MYO16: variants seen among roughly 807,000 people sequenced by gnomAD.
The protein encoded by MYO16 is unconventional myosin-XVI.
MYO16 carries 94 observed loss-of-function variants against 205.3 expected under a neutral mutation model. That is an observed-to-expected ratio of 0.46 (90% CI 0.39 to 0.54). The LOEUF is 0.54. Ranked by LOEUF, MYO16 falls within the 20% of genes least tolerant of loss-of-function variation. The pLI is 0.00. For missense variants in MYO16, 2,315 were observed against 2,387.5 expected (o/e 0.97, Z 0.63); for synonymous variants, 988 against 954.0 (o/e 1.04, Z -0.66).
At chr13:109,090,410 A>G (rs937862774) in intron 27 of MYO16, among the ~76,000 whole-genome samples, 8 of 152,294 alleles carry the variant, frequency 5.3e-5, no homozygotes, top group Middle Eastern at 3.4e-3. Context: ...GGTGAGCTCT[A>G]TGGCTGTGCG....
intron 27 of MYO16, among the ~76,000 whole-genome samples, chr13:109,073,936 A>G (rs1298483563): frequency 6.6e-6 from 1 of 151,942 alleles, no homozygotes; most frequent in Non-Finnish European, 1.5e-5. Flanking sequence ...ACCTGAGTCC[A>G]TTTTCTTTGC....
rs115582456 is a variant in MYO16, at chr13:108,907,262, C to T, written c.1778-2741C>T. Among the ~76,000 whole-genome samples the T allele has an allele frequency of 2.0e-3, 302 of 152,200 alleles. 2 individuals are homozygous for T. The highest frequency in any genetic ancestry group is 6.9e-3 in the African/African-American group (286 of 41,510). On this transcript the variant is annotated intron_variant, in intron 15 of 34. Coordinates refer to ENST00000457511, the MANE Select transcript of MYO16 (RefSeq NM_001198950.3). ...AAATACTTTATTGCATTTTATGTTA[C>T]ATGTAATCTGCAAACATATATATTT...
At chr13:108,570,178 T>C in the MYO16 span, among the ~76,000 whole-genome samples, 1 of 152,170 alleles carries the variant, frequency 6.6e-6, no homozygotes, top group Non-Finnish European at 1.5e-5. Flanking sequence ...TTGGAAGTGT[T>C]TGTGAAGGGC....
At chr13:108,901,399 G>A (rs527395486) in intron 15 of MYO16, among the ~76,000 whole-genome samples, 3 of 151,914 alleles carry the variant, frequency 2.0e-5, no homozygotes, top group Non-Finnish European at 4.4e-5. Flanking sequence ...TCTCTCTTTT[G>A]TACTCTGTCC....
the MYO16 span, among the ~76,000 whole-genome samples, chr13:108,502,865 A>G: frequency 6.6e-6 from 1 of 152,222 alleles, no homozygotes; most frequent in Non-Finnish European, 1.5e-5. Context: ...ACAGAGAATC[A>G]TTAACTTTAC....
the MYO16 span, among the ~76,000 whole-genome samples, chr13:108,496,036 C>T: frequency 1.3e-5 from 2 of 152,130 alleles, no homozygotes. Flanking sequence ...CACCGCCGGG[C>T]TGGGGACGCC....
intron 2 of MYO16, among the ~76,000 whole-genome samples, chr13:108,674,357 T>A (rs1189474395): frequency 3.3e-5 from 5 of 152,160 alleles, no homozygotes; most frequent in Non-Finnish European, 5.9e-5. Context: ...TAAAAAAAAA[T>A]TATCTCCTAG....
chr13:109,203,677 C>T (rs1463392156), intron 34 of MYO16, among the ~76,000 whole-genome samples: 1 of 152,186 alleles, frequency 6.6e-6, no homozygotes, highest in Non-Finnish European at 1.5e-5. Context: ...CAGCCTGACT[C>T]TGCAGCCTTG....
At chr13:108,691,814 A>G (rs1411195617) in intron 2 of MYO16, among the ~76,000 whole-genome samples, 1 of 152,214 alleles carries the variant, frequency 6.6e-6, no homozygotes, top group East Asian at 1.9e-4. Context: ...TTGCAGTCCA[A>G]ACTAAGTTGA....
chr13:108,636,369 T>TTGTG lies in MYO16; in HGVS notation c.28+6533_28+6536dup, dbSNP rs71125327. Among the ~76,000 whole-genome samples the TTGTG allele has an allele frequency of 8.3e-3, 421 of 50,856 alleles. 8 individuals are homozygous for TTGTG. The highest frequency in any genetic ancestry group is 0.014 in the South Asian group (26 of 1,908). The allele number at this position is 50,856 out of a possible 152,430, so 33.4% of individuals were successfully genotyped here. ...CCCTTTTTTTTTTTTTTTTTTTTTT[T>TTGTG]TGTGTGTGTGTGTGTGTGTGTGTGT... is the stretch of plus-strand genomic sequence containing the variant. On this transcript the variant is annotated intron_variant, in intron 1 of 34. Coordinates refer to ENST00000457511, the MANE Select transcript of MYO16 (RefSeq NM_001198950.3).
At chr13:108,810,231 A>G (rs1887246154) in intron 7 of MYO16, among the ~76,000 whole-genome samples, 2 of 152,208 alleles carry the variant, frequency 1.3e-5, no homozygotes, top group Non-Finnish European at 2.9e-5. Context: ...TGTCTTTACT[A>G]CTTTGTTCCA....
At chr13:109,173,542 G>A (rs1879003985) in intron 33 of MYO16, among the ~76,000 whole-genome samples, 1 of 152,126 alleles carries the variant, frequency 6.6e-6, no homozygotes, top group African/African-American at 2.4e-5. Flanking sequence ...GAATAGGTGA[G>A]TAAATAACAG....
At chr13:109,076,211 T>A (rs923932425) in intron 27 of MYO16, among the ~76,000 whole-genome samples, 10 of 152,226 alleles carry the variant, frequency 6.6e-5, no homozygotes, top group African/African-American at 2.4e-4. Flanking sequence ...ATGTATTTTC[T>A]CTGTTGTTTT....
chr13:109,004,587 A>G (rs1885327519), intron 21 of MYO16, among the ~76,000 whole-genome samples: 1 of 152,180 alleles, frequency 6.6e-6, no homozygotes, highest in Non-Finnish European at 1.5e-5. Flanking sequence ...TTGTGGACAG[A>G]TGCTACATAG....
rs75174193 is a variant in MYO16, at chr13:108,841,897, G to A, written c.1098-2446G>A. On this transcript the variant is annotated intron_variant, in intron 9 of 34. Transcript: ENST00000457511. ...AACAGACACATAGACCATTGGAACA[G>A]AATGGAAAGTGCAGAAATAAACCCA... Among the ~76,000 whole-genome samples, 113 of 152,232 alleles carry A rather than the reference G, an allele frequency of 7.4e-4. No homozygotes were observed. In the East Asian group the frequency reaches 0.021, roughly 28 times the overall value.
chr13:108,708,365 T>G (rs959493394), intron 2 of MYO16, among the ~76,000 whole-genome samples: 3 of 152,232 alleles, frequency 2.0e-5, no homozygotes, highest in Admixed American at 1.3e-4. Context: ...TTAGAAGTCT[T>G]CACATTGATG....
chr13:109,115,119 T>A (rs1028478340), intron 28 of MYO16, among the ~76,000 whole-genome samples: 6 of 150,074 alleles, frequency 4.0e-5, no homozygotes, highest in Non-Finnish European at 5.9e-5. Context: ...AATTGTCTTT[T>A]AAAAAAAAAG....
chr13:108,886,715 T>C (rs1594370816), intron 13 of MYO16, among the ~76,000 whole-genome samples: 1 of 151,882 alleles, frequency 6.6e-6, no homozygotes, highest in Admixed American at 6.6e-5. Flanking sequence ...AAGCCCCCTG[T>C]GCAAGTTCCC....
At chr13:108,576,089 G>A in the MYO16 span, among the ~76,000 whole-genome samples, 1 of 152,130 alleles carries the variant, frequency 6.6e-6, no homozygotes, top group Non-Finnish European at 1.5e-5. Flanking sequence ...GACCAGATTT[G>A]AACACGTAAG....
Sources: gnomAD v4.1 joint callset for allele counts (sites outside exome capture counted in the v4.1 genomes callset) on GRCh38, gnomAD v4.1.1 for gene constraint, MANE v1.5 for transcripts, NCBI Gene and HGNC (gene_info 2026-07-23, HGNC 2026-07-21) for gene names.